Variants in PLCH2 observed in about 807,000 individuals in gnomAD.
PLCH2 encodes 1-phosphatidylinositol 4,5-bisphosphate phosphodiesterase eta-2.
In PLCH2, 98 loss-of-function variants were observed where a neutral mutation model predicts 134.7. That is an observed-to-expected ratio of 0.73 (90% confidence interval 0.62 to 0.86). The LOEUF is 0.86. Ranked by LOEUF, PLCH2 falls within the 40% of genes least tolerant of loss-of-function variation. The pLI, the probability that PLCH2 is intolerant of heterozygous loss-of-function variation, is 0.00. For missense variants in PLCH2, 1,994 were observed against 1,986.6 expected, an observed-to-expected ratio of 1.00 and a Z score of -0.07; for synonymous variants, 974 against 827.5, an observed-to-expected ratio of 1.18 and a Z score of -3.04.
chr1:2,474,103 C>G (rs958701501), upstream of PLCH2, among the ~76,000 whole-genome samples: 3 of 151,826 alleles, frequency 2.0e-5, no homozygotes, highest in African/African-American at 7.3e-5. Flanking sequence ...CATGAGGGCC[C>G]GTCAGTGCAG....
intron 1 of PLCH2, chr1:2,430,256 AC>A (rs1486353864): frequency 6.6e-6 from 1 of 152,458 alleles, no homozygotes; most frequent in African/African-American, 2.4e-5. Flanking sequence ...CTGGGCACAC[AC>A]TGTGCTCCCT....
At chr1:2,502,783 C>T (rs1156353402) in intron 21 of PLCH2, 2 of 716,740 alleles carry the variant, frequency 2.8e-6, no homozygotes, top group East Asian at 5.4e-5. Context: ...GCCCGGGCAT[C>T]CCCGAAAGGT....
At chr1:2,494,595 G>A in intron 11 of PLCH2, 1 of 576,664 alleles carries the variant, frequency 1.7e-6, no homozygotes, top group South Asian at 2.0e-5. Context: ...GCAGGTGTGA[G>A]CGAATGTTTC....
chr1:2,464,991 A>G (rs913982805), upstream of PLCH2, among the ~76,000 whole-genome samples: 1 of 152,132 alleles, frequency 6.6e-6, no homozygotes, highest in Non-Finnish European at 1.5e-5. Flanking sequence ...GAAGCCCAAG[A>G]GGGCAGGGGA....
intron 1 of PLCH2, among the ~76,000 whole-genome samples, chr1:2,477,760 C>T (rs1641713303): frequency 6.6e-6 from 1 of 152,228 alleles, no homozygotes. Flanking sequence ...TCCGGCACCA[C>T]AGCCTCCCAA....
At chr1:2,472,629 A>G (rs1399198837), upstream of PLCH2, among the ~76,000 whole-genome samples, 1 of 152,172 alleles carries the variant, frequency 6.6e-6, no homozygotes, top group Non-Finnish European at 1.5e-5. Flanking sequence ...GGTCAGGCCA[A>G]TGCCAGCCGG....
chr1:2,483,470 C>A (rs1195334739), intron 4 of PLCH2, among the ~76,000 whole-genome samples: 1 of 152,148 alleles, frequency 6.6e-6, no homozygotes, highest in Non-Finnish European at 1.5e-5. Context: ...AAGAGCAGGG[C>A]TAGGCACTGC....
chr1:2,416,616 A>G, the PLCH2 span, among the ~76,000 whole-genome samples: 2 of 152,206 alleles, frequency 1.3e-5, no homozygotes, highest in Non-Finnish European at 2.9e-5. Flanking sequence ...GGGCACAGTC[A>G]GGCAGAGGCC....
chr1:2,447,200 G>C (rs749359846), intron 2 of PLCH2, among the ~76,000 whole-genome samples: 4 of 152,348 alleles, frequency 2.6e-5, no homozygotes, highest in Non-Finnish European at 5.9e-5. Context: ...CTTGATGGCA[G>C]AAACGAGCAA....
rs376479659 is a variant in PLCH2, at chr1:2,486,906, G to C, written c.817-1G>C. 20 of 1,601,394 alleles carry C rather than the reference G, an allele frequency of 1.2e-5. No homozygotes were observed. Among genetic ancestry groups the C allele is most frequent in the Admixed American group, 1.7e-5 (1 of 58,510 alleles). On this transcript the variant is annotated splice_acceptor_variant, in intron 5 of 21. Coordinates refer to ENST00000378486, the MANE Select transcript of PLCH2 (RefSeq NM_014638.4). LOFTEE classifies it high-confidence loss of function. The stretch of plus-strand genomic sequence containing the variant: ...GGACTCATGCCCCTGCTCTGGCCTA[G>C]ATGGCGGGTGTGACCCTCGAGAGCT...
chr1:2,467,207 G>C (rs886320881), upstream of PLCH2, among the ~76,000 whole-genome samples: 2 of 152,090 alleles, frequency 1.3e-5, no homozygotes, highest in Admixed American at 6.5e-5. Context: ...GGGAGGACAG[G>C]ATGAACGGTG....
chr1:2,421,467 CT>C (rs1638511998), upstream of PLCH2, among the ~76,000 whole-genome samples: 1 of 152,122 alleles, frequency 6.6e-6, no homozygotes, highest in African/African-American at 2.4e-5. Context: ...GAAATAAATA[CT>C]CAAAATGTAT....
intron 19 of PLCH2, 40 bp from the exon 20 acceptor site, chr1:2,499,601 G>A (rs1165509812): frequency 6.9e-7 from 1 of 1,459,046 alleles, no homozygotes; most frequent in Non-Finnish European, 9.5e-7. Context: ...GGCCCTGGGA[G>A]GCTGTGACCT....
rs781778900 is a variant in PLCH2, at chr1:2,486,925, G to A, written c.835G>A (p.Glu279Lys). 21 of 1,606,962 alleles carry A rather than the reference G, an allele frequency of 1.3e-5. No homozygotes were observed. The highest frequency in any genetic ancestry group is 6.7e-5 in the South Asian group (6 of 89,406). Reference sequence around the variant, plus strand: ...GGCCTAGATGGCGGGTGTGACCCTCGAGAGCTGCCAGGACATCATCGAGCA... The same window carrying A: ...GGCCTAGATGGCGGGTGTGACCCTCAAGAGCTGCCAGGACATCATCGAGCA... ...VEQKMAGVTLESCQDIIEQFE... is the reference protein window; with the variant it reads ...VEQKMAGVTLKSCQDIIEQFE... The change falls in exon 6 of 22, where the codon GAG (glutamate) becomes AAG (lysine). Residue 279 changes from glutamate to lysine, a missense_variant. Transcript: ENST00000378486.
intron 5 of PLCH2, among the ~76,000 whole-genome samples, chr1:2,486,087 G>A (rs1033646299): frequency 1.3e-5 from 2 of 152,212 alleles, no homozygotes; most frequent in Non-Finnish European, 2.9e-5. Context: ...GCATGTGTCT[G>A]TGGGTGACCT....
chr1:2,450,726 C>T (rs552049888), intron 2 of PLCH2, among the ~76,000 whole-genome samples: 23 of 72,256 alleles, frequency 3.2e-4, no homozygotes, highest in African/African-American at 9.4e-4. Flanking sequence ...CCCCGCTCCC[C>T]GCCTACCCCC....
upstream of PLCH2, among the ~76,000 whole-genome samples, chr1:2,471,772 G>A (rs544699536): frequency 1.3e-5 from 2 of 152,276 alleles, no homozygotes; most frequent in African/African-American, 4.8e-5. Context: ...CTCCCCCAGG[G>A]CTCTGTGCAC....
At chr1:2,462,086 ACCCTCCACCTGACACC>A (rs1380683040) in intron 2 of PLCH2, among the ~76,000 whole-genome samples, 3 of 87,340 alleles carry the variant, frequency 3.4e-5, no homozygotes, top group East Asian at 7.4e-4. Context: ...CCGCTTGACA[ACCCTCCACCTGACACC>A]CCCTCCGCCT....
intron 1 of PLCH2, 26 bp from the exon 2 acceptor site, chr1:2,478,450 G>A (rs1641762808): frequency 1.2e-6 from 2 of 1,608,344 alleles, no homozygotes; most frequent in African/African-American, 1.3e-5. Flanking sequence ...TGCCTCCGCT[G>A]ACAGCCGTGT....
Sources: gnomAD v4.1 joint callset for allele counts (sites outside exome capture counted in the v4.1 genomes callset) on GRCh38, gnomAD v4.1.1 for gene constraint, MANE v1.5 for transcripts, NCBI Gene and HGNC (gene_info 2026-07-23, HGNC 2026-07-21) for gene names.